The following SETD2 variants were observed in gnomAD, a reference collection of about 807,000 sequenced individuals.
SETD2 encodes the protein histone-lysine N-methyltransferase SETD2.
In SETD2, 31 loss-of-function variants were observed where a neutral mutation model predicts 242.1. The ratio of observed to expected loss-of-function variants is 0.13; its 90% CI spans 0.10 to 0.17. SETD2 has a LOEUF of 0.17. SETD2 is among the 10% of genes least tolerant of loss of function. The pLI is 1.00. For missense variants in SETD2, 2,481 were observed against 3,046.3 expected, an observed-to-expected ratio of 0.81 and a Z score of 4.37; for synonymous variants, 1,006 against 1,066.5, an observed-to-expected ratio of 0.94 and a Z score of 1.11.
chr3:47,100,551 G>A lies in SETD2; in HGVS notation c.5015+907C>T, dbSNP rs562161351. Among the ~76,000 whole-genome samples the A allele has an allele frequency of 2.0e-5, 3 of 152,194 alleles. No individual in the cohort carries two copies. In the South Asian group the frequency reaches 6.2e-4, roughly 32 times the overall value. ...TTACAGGCGTGACCCACTGCAACCA[G>A]CCTGTAGTTTTATTTTTAAGTAGTC... is the stretch of plus-strand genomic sequence containing the variant. On this transcript the variant is annotated intron_variant, in intron 8 of 20. Coordinates refer to ENST00000409792, the MANE Select transcript of SETD2 (RefSeq NM_014159.7).
At chr3:47,054,026 C>G (rs2107567830) in intron 15 of SETD2, among the ~76,000 whole-genome samples, 1 of 152,220 alleles carries the variant, frequency 6.6e-6, no homozygotes, top group East Asian at 1.9e-4. Context: ...AAATGATAAA[C>G]CAGGACTCAA....
At chr3:47,023,688 A>AT (rs1245699932) in intron 18 of SETD2, among the ~76,000 whole-genome samples, 1 of 152,238 alleles carries the variant, frequency 6.6e-6, no homozygotes, top group East Asian at 1.9e-4. Flanking sequence ...AATAATACAA[A>AT]TAAGAACCAA....
rs146973160 is a variant in SETD2 at position 47,063,940 on chromosome 3, G to A, written c.6110-1594C>T. On this transcript the variant is annotated intron_variant, in intron 13 of 20. Transcript: ENST00000409792. Reference sequence around the variant, plus strand: ...AGAAGTTGCAGTGAGCCGAGATCGCGCCACTGCATTCCAGCCTGGGCGACA... The same window carrying A: ...AGAAGTTGCAGTGAGCCGAGATCGCACCACTGCATTCCAGCCTGGGCGACA... Among the ~76,000 whole-genome samples the A allele has an allele frequency of 7.7e-3, 1,172 of 151,832 alleles. 8 individuals carry two copies. Among genetic ancestry groups the A allele is most frequent in the Admixed American group, 0.014 (209 of 15,240 alleles).
intron 19 of SETD2, among the ~76,000 whole-genome samples, chr3:47,019,237 G>A (rs550165343): frequency 1.4e-4 from 22 of 152,300 alleles, no homozygotes; most frequent in African/African-American, 4.6e-4. Flanking sequence ...GAGCCAGAAC[G>A]CCTGAGTTCA....
In SETD2 at chr3:47,124,094, G is replaced by T; in HGVS notation, c.542C>A (p.Thr181Lys). The stretch of plus-strand genomic sequence containing the variant: ...AGATGAGGGCGGTGAGTCTACAGTT[G>T]TTGATTCTGCTATCACTGCTGGTAA... Reference protein sequence around the residue: ...APLPAVIAESTTVDSPPSSPP... With the variant: ...APLPAVIAESKTVDSPPSSPP... Residue 181 changes from threonine to lysine, a missense_variant, in exon 3 of 21, where the codon ACA becomes AAA. Physicochemically the swap from Thr to Lys is moderately conservative, Grantham distance 78 (BLOSUM62 -1). This residue lies in a region of SETD2 where 334 missense variants were observed against 374.5 expected (regional missense o/e 0.89). Transcript: ENST00000409792. 6.4e-7 allele frequency: 1 copy of T among 1,551,926 alleles called. No individual in the cohort carries two copies. Among genetic ancestry groups the T allele is most frequent in the Non-Finnish European group, 8.7e-7 (1 of 1,147,046 alleles).
chr3:47,148,156 C>T (rs1214026235), intron 1 of SETD2, among the ~76,000 whole-genome samples: 2 of 151,520 alleles, frequency 1.3e-5, no homozygotes, highest in African/African-American at 2.4e-5. Flanking sequence ...TTTGATAAAG[C>T]GTCTCGTTCT....
chr3:47,149,620 C>A (rs907415059), intron 1 of SETD2, among the ~76,000 whole-genome samples: 1 of 152,168 alleles, frequency 6.6e-6, no homozygotes, highest in Non-Finnish European at 1.5e-5. Context: ...CTCTTCAAGG[C>A]TAAGTTCAGG....
At chr3:47,154,667 T>G (rs972701954) in intron 1 of SETD2, among the ~76,000 whole-genome samples, 1 of 152,136 alleles carries the variant, frequency 6.6e-6, no homozygotes, top group Non-Finnish European at 1.5e-5. Flanking sequence ...CTGACCCTTT[T>G]GCAATAAGCA....
intron 12 of SETD2, among the ~76,000 whole-genome samples, chr3:47,069,010 G>A (rs2040696978): frequency 6.6e-6 from 1 of 151,734 alleles, no homozygotes; most frequent in African/African-American, 2.4e-5. Context: ...GGCCAGACTG[G>A]TCTCGAACTC....
At chr3:47,063,594 ACT>A (rs1471112946) in intron 13 of SETD2, among the ~76,000 whole-genome samples, 1 of 152,092 alleles carries the variant, frequency 6.6e-6, no homozygotes, top group Non-Finnish European at 1.5e-5. Context: ...TCTTAATCTC[ACT>A]GTTTTCACTT....
In SETD2 at chr3:47,083,749, T is replaced by C; in HGVS notation, c.6031A>G (p.Lys2011Glu). 1 of 1,613,084 alleles carries C rather than the reference T, an allele frequency of 6.2e-7. No individual in the cohort carries two copies. The highest frequency in any genetic ancestry group is 8.5e-7 in the Non-Finnish European group (1 of 1,179,586). The change falls in exon 12 of 21, where the codon AAA becomes GAA. Residue 2011 changes from lysine (K) to glutamate (E), a missense_variant. Coordinates refer to ENST00000409792, the MANE Select transcript of SETD2 (RefSeq NM_014159.7). ...KTVDISDLAT[K>E]LLDSWKDLKE... The stretch of plus-strand genomic sequence containing the variant: ...AGGTCTTTCCAACTGTCCAGGAGTT[T>C]GGTGGCCAAATCACTTATATCCACT...
At position 47,120,925 on chromosome 3, in the gene SETD2, A is replaced by C; in HGVS notation, c.3711T>G (p.Phe1237Leu). 6.2e-7 allele frequency: 1 copy of C among 1,614,248 alleles called. No homozygotes were observed. Among genetic ancestry groups the C allele is most frequent in the Non-Finnish European group, 8.5e-7 (1 of 1,180,032 alleles). ...DSRLGKTELS[F>L]SSSCEIPHVD... ...CATGTGGTATCTCACAAGAGGAAGA[A>C]AAACTCAATTCTGTTTTTCCCAGTC... Residue 1237 changes from phenylalanine (F) to leucine (L), a missense_variant, in exon 3 of 21, where the codon TTT becomes TTG. Transcript: ENST00000409792.
chr3:47,091,961 A>T lies in SETD2; in HGVS notation c.5143-3714T>A, dbSNP rs1432223257. ...TACTCTCTTAAAAACAAACAAAAAA[A>T]AAGAGGTATTTTCTTTTTAAAATTA... On this transcript the variant is annotated intron_variant, in intron 9 of 20. Coordinates refer to ENST00000409792, the MANE Select transcript of SETD2 (RefSeq NM_014159.7). 2.0e-5 allele frequency among the ~76,000 whole-genome samples: 3 copies of T among 152,068 alleles called. No individual in the cohort carries two copies. The East Asian group carries it at 5.8e-4, about 29-fold the overall frequency.
At position 47,049,185 on chromosome 3, in the gene SETD2, T is replaced by C. The variant is rs544886792; in HGVS notation, c.6964-2564A>G. ...TCTTGAACTCTTGTGTTTGAGTGAT[T>C]CTCCTGCCTTGGCCTCCCAGATTGC... On this transcript the variant is annotated intron_variant, in intron 15 of 20. Coordinates refer to ENST00000409792, the MANE Select transcript of SETD2 (RefSeq NM_014159.7). Among the ~76,000 whole-genome samples, 35 of 151,422 alleles carry C rather than the reference T, an allele frequency of 2.3e-4. 1 individual carries two copies. Among genetic ancestry groups the C allele is most frequent in the Middle Eastern group, 3.4e-3 (1 of 294 alleles).
intron 12 of SETD2, among the ~76,000 whole-genome samples, chr3:47,069,596 G>C (rs1457095977): frequency 1.3e-5 from 2 of 152,120 alleles, no homozygotes; most frequent in East Asian, 1.9e-4. Context: ...CCCCACAAGA[G>C]AGAATCTGGG....
At chr3:47,115,487 CTCTT>C (rs1442067965) in intron 4 of SETD2, among the ~76,000 whole-genome samples, 3 of 152,008 alleles carry the variant, frequency 2.0e-5, no homozygotes, top group Non-Finnish European at 2.9e-5. Context: ...AAAATCCTTT[CTCTT>C]TATTTTTTCA....
intron 18 of SETD2, among the ~76,000 whole-genome samples, chr3:47,031,610 G>A (rs1262429703): frequency 6.6e-6 from 1 of 152,156 alleles, no homozygotes; most frequent in Non-Finnish European, 1.5e-5. Context: ...AAGAGTGCTG[G>A]AAATGGTAAA....
chr3:47,067,170 T>C (rs2107600775), intron 12 of SETD2, 52 bp from the exon 13 acceptor site: 1 of 1,339,214 alleles, frequency 7.5e-7, no homozygotes, highest in Non-Finnish European at 1.1e-6. Context: ...GAAATGGTGA[T>C]TGCTTTGAAA....
intron 1 of SETD2, among the ~76,000 whole-genome samples, chr3:47,131,903 G>C (rs563113912): frequency 6.6e-6 from 1 of 151,398 alleles, no homozygotes; most frequent in African/African-American, 2.4e-5. Flanking sequence ...TCAGCCTCGC[G>C]AGTAGCTGGG....
Sources: gnomAD v4.1 joint callset for allele counts (sites outside exome capture counted in the v4.1 genomes callset) on GRCh38, gnomAD v4.1.1 for gene constraint, gnomAD v4.1.1 regional missense constraint, MANE v1.5 for transcripts, NCBI Gene and HGNC (gene_info 2026-07-23, HGNC 2026-07-21) for gene names.